The following MAMDC2 variants were observed in gnomAD, a reference collection of about 807,000 sequenced individuals.
The protein encoded by MAMDC2 is MAM domain containing 2.
MAMDC2 carries 57 observed loss-of-function variants against 89.8 expected under a neutral mutation model. The ratio of observed to expected loss-of-function variants is 0.63; its 90% CI spans 0.51 to 0.79. The LOEUF (loss-of-function observed/expected upper bound fraction) is 0.79. MAMDC2 is among the 30% of genes least tolerant of loss of function. MAMDC2 has a pLI of 0.00. For synonymous variants in MAMDC2, 313 were observed against 293.4 expected, an observed-to-expected ratio of 1.07 and a Z score of -0.68; for missense variants, 800 against 820.6, an observed-to-expected ratio of 0.97 and a Z score of 0.31.
rs79454097 is a variant in MAMDC2, at chr9:70,113,225, A to G, written c.643+93A>G. ...CACTGACCTAGCTGTGGCTTCTGTC[A>G]ACAGGGAAGAGAGGAGGGAGGAGGG... On this transcript the variant is annotated intron_variant, in intron 5 of 13. Coordinates refer to ENST00000377182, the MANE Select transcript of MAMDC2 (RefSeq NM_153267.5). 1.3e-3 allele frequency: 1,832 copies of G among 1,435,978 alleles called. 13 individuals carry two copies. The East Asian group carries it at 0.021, about 16-fold the overall frequency. The allele number at this position is 1,435,978 out of a possible 1,614,324, so 89.0% of individuals were successfully genotyped here. A position where few individuals can be genotyped will look rare whatever the true frequency, so the allele number is the denominator to read the frequency against.
chr9:70,135,866 C>A (rs1209922606), intron 7 of MAMDC2, among the ~76,000 whole-genome samples: 1 of 152,064 alleles, frequency 6.6e-6, no homozygotes, highest in Non-Finnish European at 1.5e-5. Flanking sequence ...CCCTCTATAT[C>A]CAGGCCAGGC....
intron 9 of MAMDC2, among the ~76,000 whole-genome samples, chr9:70,149,366 G>C (rs1233044370): frequency 6.6e-6 from 1 of 152,110 alleles, no homozygotes; most frequent in South Asian, 2.1e-4. Flanking sequence ...GGAAAGGAAG[G>C]AAAGGAAGCA....
intron 11 of MAMDC2, chr9:70,217,813 G>A (rs539577862): frequency 1.9e-5 from 12 of 647,318 alleles, no homozygotes; most frequent in African/African-American, 1.8e-4. Context: ...CATAACATGT[G>A]AGCATATGTC....
At chr9:70,205,059 T>C (rs2033195412) in intron 11 of MAMDC2, among the ~76,000 whole-genome samples, 1 of 152,248 alleles carries the variant, frequency 6.6e-6, no homozygotes. Context: ...GCTGTTCCTA[T>C]TCGGCCATCT....
At chr9:70,108,163 G>C in intron 2 of MAMDC2, 48 bp from the exon 3 acceptor site, 3 of 1,492,602 alleles carry the variant, frequency 2.0e-6, no homozygotes, top group Non-Finnish European at 2.7e-6. Context: ...ATTTTTCCAG[G>C]TTGCAAACAA....
chr9:70,223,713 T>C (rs1463914400), intron 12 of MAMDC2, among the ~76,000 whole-genome samples: 1 of 152,218 alleles, frequency 6.6e-6, no homozygotes. Flanking sequence ...ACCAAGGACA[T>C]ATATGATCTT....
chr9:70,105,803 T>G (rs1828325602), intron 2 of MAMDC2: 3 of 152,182 alleles, frequency 2.0e-5, no homozygotes, highest in Admixed American at 2.0e-4. Context: ...AGAATTTTTT[T>G]ATGGCACTCA....
At position 70,140,152 on chromosome 9, in the gene MAMDC2, G is replaced by C. The variant is rs1417687947; in HGVS notation, c.1002G>C (p.Leu334=). Residue 334 remains leucine (L), a synonymous_variant, in exon 8 of 14, where the codon CTG becomes CTC. Coordinates refer to ENST00000377182, the MANE Select transcript of MAMDC2 (RefSeq NM_153267.5). ...PVHCQNQTEL[L]FSAVEASCNF... ...TGCTTGTCCTTTGCTCAGAACTTCTGTTCAGTGCCGTGGAAGCCAGCTGCA... is the reference window on the plus strand; with the variant it reads ...TGCTTGTCCTTTGCTCAGAACTTCTCTTCAGTGCCGTGGAAGCCAGCTGCA... 3 of 1,581,132 alleles carry C rather than the reference G, an allele frequency of 1.9e-6. No homozygotes were observed.
intron 11 of MAMDC2, among the ~76,000 whole-genome samples, chr9:70,208,684 G>C (rs988801611): frequency 6.6e-6 from 1 of 152,186 alleles, no homozygotes; most frequent in Non-Finnish European, 1.5e-5. Context: ...AATAGGAGTG[G>C]TGAGAGAGGG....
At chr9:70,093,319 C>A (rs2118186203) in intron 2 of MAMDC2, among the ~76,000 whole-genome samples, 1 of 152,194 alleles carries the variant, frequency 6.6e-6, no homozygotes, top group East Asian at 1.9e-4. Flanking sequence ...AAGGAGAATA[C>A]CTTTTTCATA....
intron 11 of MAMDC2, chr9:70,217,203 C>T (rs985566672): frequency 2.6e-6 from 2 of 761,112 alleles, no homozygotes; most frequent in East Asian, 2.4e-5. Context: ...CCACGAAGGT[C>T]GAGCTGTGCA....
intron 9 of MAMDC2, among the ~76,000 whole-genome samples, chr9:70,157,283 G>A (rs186516872): frequency 4.6e-5 from 7 of 152,258 alleles, no homozygotes; most frequent in African/African-American, 1.7e-4. Flanking sequence ...ATTCTCTGGG[G>A]ATCCTCTGGT....
intron 2 of MAMDC2, among the ~76,000 whole-genome samples, chr9:70,074,463 C>G (rs1314827345): frequency 6.6e-6 from 1 of 152,240 alleles, no homozygotes; most frequent in Admixed American, 6.5e-5. Flanking sequence ...GTAAGTGGCT[C>G]TCTCACCTGG....
chr9:70,085,466 T>C (rs1827749363), intron 2 of MAMDC2, among the ~76,000 whole-genome samples: 5 of 152,094 alleles, frequency 3.3e-5, no homozygotes, highest in Admixed American at 3.3e-4. Context: ...AAACTCCTTG[T>C]CATCTGGTAA....
chr9:70,212,060 G>C (rs1021874104), intron 11 of MAMDC2, among the ~76,000 whole-genome samples: 5 of 152,256 alleles, frequency 3.3e-5, no homozygotes, highest in Admixed American at 6.5e-5. Context: ...CTCCCAGTTA[G>C]GCTACTTGGG....
At chr9:70,179,249 A>G (rs1012531224) in intron 11 of MAMDC2, among the ~76,000 whole-genome samples, 2 of 152,110 alleles carry the variant, frequency 1.3e-5, no homozygotes, top group African/African-American at 2.4e-5. Flanking sequence ...ATGGTGGCTC[A>G]CGCTTGTAAT....
chr9:70,162,646 G>A (rs1400323539), intron 9 of MAMDC2, among the ~76,000 whole-genome samples: 7 of 151,888 alleles, frequency 4.6e-5, no homozygotes, highest in Admixed American at 6.6e-5. Flanking sequence ...GTACACCACC[G>A]TGCCCAGCTA....
intron 5 of MAMDC2, 23 bp downstream of exon 5, chr9:70,113,155 C>A: frequency 1.2e-6 from 2 of 1,612,616 alleles, no homozygotes. Context: ...CAAATAGAGT[C>A]CTTTTCCCAG....
At chr9:70,112,862 G>A in intron 4 of MAMDC2, 133 bp from the exon 5 acceptor site, 1 of 1,067,820 alleles carries the variant, frequency 9.4e-7, no homozygotes, top group Non-Finnish European at 1.4e-6. Context: ...TTGTGCAGGG[G>A]TCCTGGTAGA....
Sources: allele counts gnomAD v4.1 joint callset (sites outside exome capture counted in the v4.1 genomes callset), GRCh38; gene constraint gnomAD v4.1.1; transcripts MANE v1.5; gene names NCBI Gene and HGNC (gene_info 2026-07-23, HGNC 2026-07-21).